SMYD3: variants seen among roughly 807,000 people sequenced by gnomAD.
SMYD3 encodes the protein SET and MYND domain containing 3.
Under a neutral mutation model 57.7 loss-of-function variants are expected in SMYD3, and 36 were observed. That is an observed-to-expected ratio of 0.62 (90% CI 0.48 to 0.82). The LOEUF (loss-of-function observed/expected upper bound fraction) is 0.82, where lower values mean the gene tolerates loss of function less well. Among genes scored for constraint, SMYD3 ranks in the 40% least tolerant of loss-of-function variants. The pLI, the probability that SMYD3 is intolerant of heterozygous loss-of-function variation, is 0.00. For missense variants in SMYD3, 515 were observed against 538.8 expected, an observed-to-expected ratio of 0.96 and a Z score of 0.44; for synonymous variants, 211 against 195.0, an observed-to-expected ratio of 1.08 and a Z score of -0.68.
chr1:245,836,370 G>A (rs534523583), intron 10 of SMYD3, among the ~76,000 whole-genome samples: 4 of 152,270 alleles, frequency 2.6e-5, no homozygotes, highest in Admixed American at 1.3e-4. Context: ...TCCTCCGTGC[G>A]GTCCTGAACT....
At chr1:245,929,145 C>G (rs145724426) in intron 6 of SMYD3, among the ~76,000 whole-genome samples, 205 of 152,284 alleles carry the variant, frequency 1.3e-3, no homozygotes, top group African/African-American at 4.0e-3. Context: ...GACCAGGTGG[C>G]CTGAACGCAG....
At chr1:246,055,950 C>A (rs2060144011) in intron 5 of SMYD3, among the ~76,000 whole-genome samples, 1 of 151,958 alleles carries the variant, frequency 6.6e-6, no homozygotes, top group Admixed American at 6.6e-5. Flanking sequence ...GGGTGCAGAA[C>A]AACATGAATG....
At chr1:245,822,207 C>A (rs1281267621) in intron 10 of SMYD3, among the ~76,000 whole-genome samples, 1 of 151,950 alleles carries the variant, frequency 6.6e-6, no homozygotes, top group Non-Finnish European at 1.5e-5. Flanking sequence ...CCATGGAATA[C>A]TATGCAGCCA....
intron 5 of SMYD3, among the ~76,000 whole-genome samples, chr1:246,201,394 G>C (rs2062921666): frequency 6.6e-6 from 1 of 152,120 alleles, no homozygotes; most frequent in Non-Finnish European, 1.5e-5. Context: ...CATCTCTCTG[G>C]ATCAGCTTAA....
intron 10 of SMYD3, among the ~76,000 whole-genome samples, chr1:245,785,532 C>T (rs1367225093): frequency 6.6e-6 from 1 of 152,156 alleles, no homozygotes; most frequent in African/African-American, 2.4e-5. Flanking sequence ...CCTACTCCCA[C>T]CTTTTGGGTG....
intron 5 of SMYD3, among the ~76,000 whole-genome samples, chr1:246,092,690 T>C (rs1354423444): frequency 6.6e-6 from 1 of 152,132 alleles, no homozygotes; most frequent in African/African-American, 2.4e-5. Flanking sequence ...CTTCAGGGTA[T>C]TGGCCCGGCA....
intron 1 of SMYD3, among the ~76,000 whole-genome samples, chr1:246,391,845 C>G (rs1011223114): frequency 2.0e-5 from 3 of 152,182 alleles, no homozygotes; most frequent in African/African-American, 7.2e-5. Flanking sequence ...CAACTCCTAT[C>G]AGCACAACCC....
intron 8 of SMYD3, among the ~76,000 whole-genome samples, chr1:245,896,318 C>T (rs2053777964): frequency 6.8e-6 from 1 of 147,310 alleles, no homozygotes; most frequent in Non-Finnish European, 1.5e-5. Context: ...GGAAGCGTTC[C>T]CTTCTACTCC....
At chr1:246,227,426 T>C (rs2333998) in intron 5 of SMYD3, among the ~76,000 whole-genome samples, 31,513 of 152,052 alleles carry the variant, frequency 0.21, 3,965 homozygotes, top group East Asian at 0.58. Context: ...CCATCCTGGC[T>C]AACATGGTGA....
chr1:246,108,175 G>C (rs1372314892), intron 5 of SMYD3, among the ~76,000 whole-genome samples: 1 of 152,264 alleles, frequency 6.6e-6, no homozygotes, highest in African/African-American at 2.4e-5. Context: ...ATGCATCCAC[G>C]TCTAAACATC....
intron 5 of SMYD3, among the ~76,000 whole-genome samples, chr1:246,012,348 T>C (rs2148196575): frequency 6.6e-6 from 1 of 152,316 alleles, no homozygotes; most frequent in South Asian, 2.1e-4. Flanking sequence ...CGGTTATCAA[T>C]AAATAAGTAG....
chr1:246,286,038 G>A (rs2064555621), intron 5 of SMYD3, among the ~76,000 whole-genome samples: 6 of 152,180 alleles, frequency 3.9e-5, no homozygotes. Context: ...TACACTGCTG[G>A]TGGGAATGTA....
chr1:246,067,270 A>G lies in SMYD3; in HGVS notation c.532-137333T>C, dbSNP rs190078230. 3.7e-3 allele frequency among the ~76,000 whole-genome samples: 558 copies of G among 152,332 alleles called. 3 individuals carry two copies. Among genetic ancestry groups the G allele is most frequent in the Middle Eastern group, 6.8e-3 (2 of 294 alleles). On this transcript the variant is annotated intron_variant, in intron 5 of 11. Transcript: ENST00000490107. ...ATTTCCAAATTTGTCTACATACCAG[A>G]CAGCCAGTGGGGGAGAATGGTTTTA...
At chr1:246,276,249 T>C (rs12741654) in intron 5 of SMYD3, among the ~76,000 whole-genome samples, 1 of 113,116 alleles carries the variant, frequency 8.8e-6, no homozygotes, top group Non-Finnish European at 1.9e-5. Context: ...CTGATGCCCA[T>C]GTTTGAATAC....
At chr1:245,805,016 A>C (rs1351392269) in intron 10 of SMYD3, among the ~76,000 whole-genome samples, 1 of 152,244 alleles carries the variant, frequency 6.6e-6, no homozygotes, top group Non-Finnish European at 1.5e-5. Context: ...GACCCATTTC[A>C]TATCAAAACT....
At chr1:246,283,963 C>CATTTGTGCTATTGA (rs2064503902) in intron 5 of SMYD3, among the ~76,000 whole-genome samples, 2 of 152,158 alleles carry the variant, frequency 1.3e-5, no homozygotes, top group Non-Finnish European at 2.9e-5. Context: ...TAATATTTGA[C>CATTTGTGCTATTGA]TAAAATAGCA....
chr1:246,444,127 ATT>A (rs371124808), intron 1 of SMYD3, among the ~76,000 whole-genome samples: 3 of 142,700 alleles, frequency 2.1e-5, no homozygotes, highest in African/African-American at 2.6e-5. Flanking sequence ...GAACCTAAGA[ATT>A]TTTTTTTTTT....
chr1:246,451,852 A>T (rs1427634203), intron 1 of SMYD3, among the ~76,000 whole-genome samples: 1 of 152,254 alleles, frequency 6.6e-6, no homozygotes, highest in Non-Finnish European at 1.5e-5. Context: ...TAGATATCAA[A>T]TAAGCAAAAC....
At chr1:246,423,556 T>G (rs553084520) in intron 1 of SMYD3, among the ~76,000 whole-genome samples, 2 of 151,352 alleles carry the variant, frequency 1.3e-5, no homozygotes, top group Non-Finnish European at 2.9e-5. Flanking sequence ...TTTAAAGTAG[T>G]CAGATGTGGA....
Sources: gnomAD v4.1 joint callset for allele counts (sites outside exome capture counted in the v4.1 genomes callset) on GRCh38, gnomAD v4.1.1 for gene constraint, MANE v1.5 for transcripts, NCBI Gene and HGNC (gene_info 2026-07-23, HGNC 2026-07-21) for gene names.